The following PECAM1 variants were observed in gnomAD, a reference collection of about 807,000 sequenced individuals.
PECAM1 encodes the protein platelet and endothelial cell adhesion molecule 1.
Under a neutral mutation model 13.8 loss-of-function variants are expected in PECAM1, and 8 were observed. That is an observed-to-expected ratio of 0.58 (90% CI 0.34 to 1.05). The LOEUF (loss-of-function observed/expected upper bound fraction) is 1.05, where lower values mean the gene tolerates loss of function less well. Ranked by LOEUF, PECAM1 falls within the 50% of genes least tolerant of loss-of-function variation. PECAM1 has a pLI of 0.03. For synonymous variants in PECAM1, 136 were observed against 52.6 expected, an observed-to-expected ratio of 2.58 and a Z score of -6.86; for missense variants, 304 against 141.2, an observed-to-expected ratio of 2.15 and a Z score of -5.84.
At position 64,324,882 on chromosome 17, in the gene PECAM1, G is replaced by A. The variant is rs540668272; in HGVS notation, c.2188-1037C>T. On this transcript the variant is annotated intron_variant, in intron 15 of 15. Transcript: ENST00000563924. Reference sequence around the variant, plus strand: ...TGCTAGGGGTTGCTGGAGGGGCAATGGGGAGTTAGTGTTTAATGGGTACAG... The same window carrying A: ...TGCTAGGGGTTGCTGGAGGGGCAATAGGGAGTTAGTGTTTAATGGGTACAG... 5.8e-4 allele frequency among the ~76,000 whole-genome samples: 88 copies of A among 152,326 alleles called. 1 individual carries two copies. The highest frequency in any genetic ancestry group is 2.1e-3 in the African/African-American group (87 of 41,558).
chr17:64,342,880 G>A (rs7209590), intron 13 of PECAM1, among the ~76,000 whole-genome samples: 130,002 of 152,164 alleles, frequency 0.85, 59,365 homozygotes, highest in East Asian at 1. Flanking sequence ...CATACAGTGT[G>A]TAGGATGTGT....
intron 2 of PECAM1, among the ~76,000 whole-genome samples, chr17:64,382,405 C>T (rs1296537311): frequency 6.6e-6 from 1 of 152,206 alleles, no homozygotes; most frequent in African/African-American, 2.4e-5. Context: ...CTTATCCATA[C>T]AATAGGCACA....
At chr17:64,378,605 G>T (rs2143881341) in intron 2 of PECAM1, among the ~76,000 whole-genome samples, 1 of 151,474 alleles carries the variant, frequency 6.6e-6, no homozygotes, top group East Asian at 1.9e-4. Flanking sequence ...TCTCACCACT[G>T]CACTCCAGCC....
chr17:64,346,870 T>C (rs1323589976), intron 13 of PECAM1, among the ~76,000 whole-genome samples: 4 of 152,110 alleles, frequency 2.6e-5, no homozygotes, highest in African/African-American at 9.7e-5. Context: ...TACCTAAGTG[T>C]CCCTCTAAAT....
At chr17:64,346,625 C>T (rs1007840682) in intron 13 of PECAM1, among the ~76,000 whole-genome samples, 22 of 152,274 alleles carry the variant, frequency 1.4e-4, no homozygotes, top group Non-Finnish European at 2.1e-4. Context: ...TGTGAGCCAC[C>T]GTGCCTGGCC....
At chr17:64,387,210 C>A (rs1027091538) in intron 2 of PECAM1, among the ~76,000 whole-genome samples, 120 of 152,260 alleles carry the variant, frequency 7.9e-4, no homozygotes, top group African/African-American at 2.6e-3. Flanking sequence ...GAGCCGAGGG[C>A]TGGAAGTGTC....
At chr17:64,377,329 G>T (rs2036382169) in intron 3 of PECAM1, among the ~76,000 whole-genome samples, 1 of 152,138 alleles carries the variant, frequency 6.6e-6, no homozygotes, top group Non-Finnish European at 1.5e-5. Context: ...GAGTCTTGAA[G>T]AAGAAATTTT....
In PECAM1 at chr17:64,356,269, T is replaced by G. The variant is rs1167377629; in HGVS notation, c.1622A>C (p.Glu541Ala). 3 of 474,862 alleles carry G rather than the reference T, an allele frequency of 6.3e-6. No homozygotes were observed. Among genetic ancestry groups the G allele is most frequent in the Non-Finnish European group, 1.2e-5 (3 of 259,008 alleles). The allele number at this position is 474,862 out of a possible 1,614,324, so 29.4% of individuals were successfully genotyped here. Residue 541 changes from glutamate to alanine, a missense_variant, in exon 8 of 16, where the codon GAG becomes GCG. By Grantham distance (107) the Glu-to-Ala change is moderately radical. Coordinates refer to ENST00000563924, the MANE Select transcript of PECAM1 (RefSeq NM_000442.5). ...GGTCATTTGATAGAAGGGTTTGCCCTCTTTTTCTCTGTAAAACTTATAGGT... is the reference window on the plus strand; with the variant it reads ...GGTCATTTGATAGAAGGGTTTGCCCGCTTTTTCTCTGTAAAACTTATAGGT... ...PITYKFYREK[E>A]GKPFYQMTSN...
chr17:64,330,964 T>C (rs2035097677), intron 14 of PECAM1, among the ~76,000 whole-genome samples: 2 of 152,228 alleles, frequency 1.3e-5, no homozygotes. Context: ...ACCAATTCCT[T>C]ACTTTAAAAA....
intron 13 of PECAM1, among the ~76,000 whole-genome samples, chr17:64,346,987 G>A (rs1346655980): frequency 6.6e-6 from 1 of 152,194 alleles, no homozygotes; most frequent in Non-Finnish European, 1.5e-5. Context: ...ACCTCTGGAA[G>A]GGACAAATTG....
At position 64,322,726 on chromosome 17, in the gene PECAM1, T is replaced by TC. The variant is rs35975413; in HGVS notation, c.*1089_*1090insG. 520,612 of 979,540 alleles carry TC rather than the reference T, an allele frequency of 0.53. 139,746 individuals carry two copies. The highest frequency in any genetic ancestry group is 0.69 in the East Asian group (5,992 of 8,744). The allele number at this position is 979,540 out of a possible 1,614,324, so 60.7% of individuals were successfully genotyped here. ...CTTTAGCAAGCAATTTTGTTTTTTG[T>TC]TTTTTTTGAGATGGATTCTCACTCT... is the stretch of plus-strand genomic sequence containing the variant. On this transcript the variant is annotated 3_prime_UTR_variant, in exon 16 of 16. Transcript: ENST00000563924.
At chr17:64,366,824 T>G in intron 5 of PECAM1, among the ~76,000 whole-genome samples, 2 of 68,622 alleles carry the variant, frequency 2.9e-5, no homozygotes, top group Non-Finnish European at 5.2e-5. Context: ...GGGACTGTAG[T>G]GGGGTGGGGG....
chr17:64,355,105 A>C, intron 8 of PECAM1, 65 bp from the exon 9 acceptor site: 1 of 448,754 alleles, frequency 2.2e-6, no homozygotes, highest in Non-Finnish European at 4.1e-6. Flanking sequence ...AGGAAGAAAT[A>C]ATATCAGGCT....
chr17:64,353,944 T>C (rs1487126624), intron 9 of PECAM1, among the ~76,000 whole-genome samples: 2 of 150,056 alleles, frequency 1.3e-5, no homozygotes, highest in African/African-American at 4.9e-5. Context: ...CTCTCTCTTT[T>C]TTTTTTTTTT....
chr17:64,356,554 A>T (rs1420733161), intron 7 of PECAM1, among the ~76,000 whole-genome samples, 156 bp from the exon 8 acceptor site: 1 of 118,120 alleles, frequency 8.5e-6, no homozygotes, highest in Non-Finnish European at 1.8e-5. Context: ...AGCTTACTGC[A>T]ACGTGTGCCT....
In PECAM1 at chr17:64,322,548, G is replaced by T; in HGVS notation, c.*1268C>A. 1 of 985,374 alleles carries T rather than the reference G, an allele frequency of 1.0e-6. No individual in the cohort carries two copies. Among genetic ancestry groups the T allele is most frequent in the Non-Finnish European group, 1.2e-6 (1 of 829,952 alleles). 61.0% of individuals were successfully genotyped at this position (985,374 alleles called of 1,614,324 possible). A position where few individuals can be genotyped will look rare whatever the true frequency, so the allele number is the denominator to read the frequency against. On this transcript the variant is annotated 3_prime_UTR_variant, in exon 16 of 16. Transcript: ENST00000563924. ...TTTATTTAATACAACATCCACGAGG[G>T]TCCCTGCAGCTGTGTCACTGAGGCA...
intron 14 of PECAM1, among the ~76,000 whole-genome samples, chr17:64,330,364 T>C (rs1402275856): frequency 6.6e-6 from 1 of 150,922 alleles, no homozygotes; most frequent in East Asian, 2.0e-4. Flanking sequence ...GTATCACGGC[T>C]GGGTGTGGTG....
intron 2 of PECAM1, among the ~76,000 whole-genome samples, chr17:64,384,859 C>A (rs1486331382): frequency 1.3e-5 from 2 of 152,194 alleles, no homozygotes; most frequent in Admixed American, 1.3e-4. Context: ...ACCACGCAAC[C>A]AAACTTCAAA....
chr17:64,344,065 AACACCATAT>A (rs2035501857), intron 13 of PECAM1, among the ~76,000 whole-genome samples: 2 of 152,172 alleles, frequency 1.3e-5, no homozygotes, highest in South Asian at 4.1e-4. Flanking sequence ...AATGCTATCA[AACACCATAT>A]ACCAGGCGCA....
Sources: allele counts gnomAD v4.1 joint callset (sites outside exome capture counted in the v4.1 genomes callset), GRCh38; gene constraint gnomAD v4.1.1; transcripts MANE v1.5; gene names NCBI Gene and HGNC (gene_info 2026-07-23, HGNC 2026-07-21).